Variants in KDELR2 observed in about 807,000 individuals in gnomAD.
KDELR2 encodes KDEL endoplasmic reticulum protein retention receptor 2.
Under a neutral mutation model 23.9 loss-of-function variants are expected in KDELR2, and 15 were observed. That is an observed-to-expected ratio of 0.63 (90% CI 0.42 to 0.97). The LOEUF is 0.97. Among genes scored for constraint, KDELR2 ranks in the 50% least tolerant of loss-of-function variants. The pLI is 0.00. For missense variants in KDELR2, 272 were observed against 254.6 expected (o/e 1.07, Z -0.46); for synonymous variants, 119 against 106.2 (o/e 1.12, Z -0.74).
chr7:6,482,307 G>C, intron 1 of KDELR2: 1 of 197,792 alleles, frequency 5.1e-6, no homozygotes, highest in Non-Finnish European at 1.1e-5. Flanking sequence ...CCCTCCTAAG[G>C]TTATTTTAAT....
At chr7:6,464,987 C>T (rs1003840701) in intron 4 of KDELR2, among the ~76,000 whole-genome samples, 4 of 151,836 alleles carry the variant, frequency 2.6e-5, no homozygotes, top group African/African-American at 7.3e-5. Context: ...CCACCCATCT[C>T]GGCCTCCCAA....
In KDELR2 at chr7:6,463,496, CAGGGTGGGAGGATCCCTTGAAGCT is replaced by C. The variant is rs1785430025; in HGVS notation, c.605-345_605-322del. Among the ~76,000 whole-genome samples, 3 of 151,624 alleles carry C rather than the reference CAGGGTGGGAGGATCCCTTGAAGCT, an allele frequency of 2.0e-5. 1 individual carries two copies. The South Asian group carries it at 6.2e-4, about 32-fold the overall frequency. ...CTGTAATCCCAGTACTTTGGCAGGCCAGGGTGGGAGGATCCCTTGAAGCTAGGAGTTCAAGACCAGCCTGGGCAA... is the reference window on the plus strand; with the variant it reads ...CTGTAATCCCAGTACTTTGGCAGGCCAGGAGTTCAAGACCAGCCTGGGCAA... On this transcript the variant is annotated intron_variant, in intron 4 of 4. Coordinates refer to ENST00000258739, the MANE Select transcript of KDELR2 (RefSeq NM_006854.4).
intron 1 of KDELR2, among the ~76,000 whole-genome samples, chr7:6,481,264 GA>G (rs1185712774): frequency 6.6e-6 from 1 of 150,782 alleles, no homozygotes; most frequent in African/African-American, 2.4e-5. Flanking sequence ...AGCTAATCAG[GA>G]GGCTGAGGAG....
intron 4 of KDELR2, among the ~76,000 whole-genome samples, 168 bp from the exon 5 acceptor site, chr7:6,463,343 A>G (rs142913413): frequency 6.6e-6 from 1 of 152,378 alleles, no homozygotes; most frequent in East Asian, 1.9e-4. Context: ...AAGTGCCACT[A>G]AATTCATAGT....
At chr7:6,463,602 T>TGGTG (rs1785432607) in intron 4 of KDELR2, among the ~76,000 whole-genome samples, 1 of 151,664 alleles carries the variant, frequency 6.6e-6, no homozygotes, top group South Asian at 2.1e-4. Flanking sequence ...GAACCAGGTG[T>TGGTG]GGTGGCATGC....
At chr7:6,483,718 C>T (rs1420621963) in intron 1 of KDELR2, among the ~76,000 whole-genome samples, 2 of 152,184 alleles carry the variant, frequency 1.3e-5, no homozygotes, top group African/African-American at 2.4e-5. Context: ...GCCGGGTGCG[C>T]TCCGACAGCT....
intron 1 of KDELR2, among the ~76,000 whole-genome samples, chr7:6,475,922 C>CT (rs917747486): frequency 9.9e-5 from 15 of 152,042 alleles, no homozygotes; most frequent in African/African-American, 1.9e-4. Flanking sequence ...TTTTTCTTTT[C>CT]TTTTTTTGAG....
chr7:6,482,494 C>A (rs1785921581), intron 1 of KDELR2: 1 of 450,698 alleles, frequency 2.2e-6, no homozygotes, highest in Non-Finnish European at 4.6e-6. Context: ...CACACTGGCA[C>A]ATGGACTTTG....
intron 3 of KDELR2, among the ~76,000 whole-genome samples, chr7:6,469,325 G>A (rs960797310): frequency 5.3e-5 from 8 of 151,366 alleles, no homozygotes; most frequent in African/African-American, 1.7e-4. Context: ...GCGTGATCTC[G>A]GCTCACTGCA....
At chr7:6,471,301 C>G (rs1373653126) in intron 2 of KDELR2, among the ~76,000 whole-genome samples, 2 of 147,622 alleles carry the variant, frequency 1.4e-5, no homozygotes. Context: ...CCTGCCTCAA[C>G]CTCCCAAGTA....
At chr7:6,464,241 C>T (rs1301462833) in intron 4 of KDELR2, among the ~76,000 whole-genome samples, 2 of 112,928 alleles carry the variant, frequency 1.8e-5, no homozygotes, top group Non-Finnish European at 3.4e-5. Flanking sequence ...AAAAAAAAAG[C>T]TAGGCGTGGT....
rs377650712 is a variant in KDELR2 at position 6,465,493 on chromosome 7, T to C, written c.604+578A>G. ...CACTGCACCTGGCATAAATGTTTTT[T>C]TTTTTCTGAACAAGGATGATAGCTT... On this transcript the variant is annotated intron_variant, in intron 4 of 4. Coordinates refer to ENST00000258739, the MANE Select transcript of KDELR2 (RefSeq NM_006854.4). Among the ~76,000 whole-genome samples the C allele has an allele frequency of 9.8e-3, 1,493 of 152,242 alleles. 28 individuals carry two copies. The highest frequency in any genetic ancestry group is 0.034 in the African/African-American group (1,396 of 41,540).
chr7:6,465,960 G>A, intron 4 of KDELR2, 111 bp downstream of exon 4: 1 of 1,117,524 alleles, frequency 8.9e-7, no homozygotes. Flanking sequence ...TCATGAAAGT[G>A]TTTCTCTGGA....
At chr7:6,479,757 G>T (rs1476699536) in intron 1 of KDELR2, among the ~76,000 whole-genome samples, 1 of 152,186 alleles carries the variant, frequency 6.6e-6, no homozygotes, top group East Asian at 1.9e-4. Context: ...GATTACAGGC[G>T]TGAGCCACCA....
Position 6,462,608 on chromosome 7 carries a change from G to A in KDELR2, c.*533C>T, listed in dbSNP as rs544163746. The A allele has an allele frequency of 3.1e-4, 54 of 174,518 alleles. No individual in the cohort carries two copies. In the Middle Eastern group the frequency reaches 0.014, roughly 47 times the overall value. The allele number at this position is 174,518 out of a possible 1,614,324, so 10.8% of individuals were successfully genotyped here. On this transcript the variant is annotated 3_prime_UTR_variant, in exon 5 of 5. Coordinates refer to ENST00000258739, the MANE Select transcript of KDELR2 (RefSeq NM_006854.4). The stretch of plus-strand genomic sequence containing the variant: ...GTGACATCCAACGAAGGACTTCCAC[G>A]TCACGTGGGAATAAATTTGAACAGA...
In KDELR2 at chr7:6,462,732, A is replaced by T. The variant is rs1239859639; in HGVS notation, c.*409T>A. The T allele has an allele frequency of 5.1e-6, 2 of 392,370 alleles. No individual in the cohort carries two copies. The highest frequency in any genetic ancestry group is 9.0e-6 in the Non-Finnish European group (2 of 222,118). 24.3% of individuals were successfully genotyped at this position (392,370 alleles called of 1,614,324 possible). A position where few individuals can be genotyped will look rare whatever the true frequency, so the allele number is the denominator to read the frequency against. On this transcript the variant is annotated 3_prime_UTR_variant, in exon 5 of 5. Coordinates refer to ENST00000258739, the MANE Select transcript of KDELR2 (RefSeq NM_006854.4). The stretch of plus-strand genomic sequence containing the variant: ...GGAATGCAAGTTTGAGGGATGGAAG[A>T]ATATATAATCTATCAACTGTCAAGG...
chr7:6,470,203 C>G (rs1785598954), intron 2 of KDELR2: 1 of 152,688 alleles, frequency 6.5e-6, no homozygotes, highest in African/African-American at 2.4e-5. Flanking sequence ...CCAATAACAT[C>G]CTTTGGTTGT....
At position 6,470,852 on chromosome 7, in the gene KDELR2, C is replaced by T. The variant is rs561561619; in HGVS notation, c.193-1098G>A. On this transcript the variant is annotated intron_variant, in intron 2 of 4. Coordinates refer to ENST00000258739, the MANE Select transcript of KDELR2 (RefSeq NM_006854.4). ...CATGTTGGCTGGGCATGGTGGCTCACGCCTGTAATCCTAGCACTCTGGGAG... is the reference window on the plus strand; with the variant it reads ...CATGTTGGCTGGGCATGGTGGCTCATGCCTGTAATCCTAGCACTCTGGGAG... Among the ~76,000 whole-genome samples, 454 of 152,158 alleles carry T rather than the reference C, an allele frequency of 3.0e-3. 1 individual carries two copies. Among genetic ancestry groups the T allele is most frequent in the African/African-American group, 0.011 (438 of 41,494 alleles).
rs1344917812 is a variant in KDELR2, at chr7:6,463,219, A to G, written c.605-44T>C. ...GAAAAGAAAACAAAAGGTTACTGAT[A>G]TTGACAAACTTAGCTTCCTTCTTCC... On this transcript the variant is annotated intron_variant, in intron 4 of 4. Coordinates refer to ENST00000258739, the MANE Select transcript of KDELR2 (RefSeq NM_006854.4). The G allele has an allele frequency of 2.6e-6, 4 of 1,519,050 alleles. No homozygotes were observed. In the African/African-American group the frequency reaches 5.5e-5, roughly 21 times the overall value. 94.1% of individuals were successfully genotyped at this position (1,519,050 alleles called of 1,614,324 possible).
Sources: allele counts gnomAD v4.1 joint callset (sites outside exome capture counted in the v4.1 genomes callset), GRCh38; gene constraint gnomAD v4.1.1; transcripts MANE v1.5; gene names NCBI Gene and HGNC (gene_info 2026-07-23, HGNC 2026-07-21).